KCNMA1: variants seen among roughly 807,000 people sequenced by gnomAD.
KCNMA1 encodes potassium calcium-activated channel subfamily M alpha 1.
Under a neutral mutation model 140.0 loss-of-function variants are expected in KCNMA1, and 29 were observed. The observed-to-expected ratio is 0.21, with a 90% confidence interval of 0.15 to 0.28. The LOEUF (loss-of-function observed/expected upper bound fraction) is 0.28. Ranked by LOEUF, KCNMA1 falls within the 10% of genes least tolerant of loss-of-function variation. The pLI is 1.00. For synonymous variants in KCNMA1, 612 were observed against 611.9 expected (o/e 1.00, Z 0.00); for missense variants, 880 against 1,602.2 (o/e 0.55, Z 7.70).
At chr10:77,056,150 C>T (rs78128375) in intron 14 of KCNMA1, among the ~76,000 whole-genome samples, 1 of 152,128 alleles carries the variant, frequency 6.6e-6, no homozygotes, top group African/African-American at 2.4e-5. Flanking sequence ...GAAGCCAAGG[C>T]GAGTGGATCA....
chr10:77,567,429 G>A (rs1170455803), intron 1 of KCNMA1, among the ~76,000 whole-genome samples: 1 of 152,204 alleles, frequency 6.6e-6, no homozygotes, highest in Non-Finnish European at 1.5e-5. Flanking sequence ...AGATAAGCGT[G>A]TGTAACTCTT....
chr10:77,007,649 GTGTGTA>G (rs1235567546), intron 18 of KCNMA1, among the ~76,000 whole-genome samples: 1 of 11,008 alleles, frequency 9.1e-5, no homozygotes, highest in East Asian at 7.3e-4. Flanking sequence ...CATATTGTGT[GTGTGTA>G]TATATATATA....
At chr10:77,185,216 C>A (rs942285197) in intron 3 of KCNMA1, among the ~76,000 whole-genome samples, 1 of 151,874 alleles carries the variant, frequency 6.6e-6, no homozygotes, top group East Asian at 1.9e-4. Context: ...TGCAGATACC[C>A]TGGAGGAAGG....
chr10:77,239,272 C>T (rs2056563299), intron 3 of KCNMA1, among the ~76,000 whole-genome samples: 1 of 152,208 alleles, frequency 6.6e-6, no homozygotes, highest in African/African-American at 2.4e-5. Context: ...ATAGCATCCA[C>T]GTTATTTTCA....
At chr10:77,439,683 C>T (rs1016724814) in intron 1 of KCNMA1, among the ~76,000 whole-genome samples, 12 of 152,162 alleles carry the variant, frequency 7.9e-5, no homozygotes, top group Admixed American at 1.3e-4. Context: ...AAAAGGGCAG[C>T]GGTACCTATC....
At chr10:76,941,022 A>G (rs145563606) in intron 23 of KCNMA1, among the ~76,000 whole-genome samples, 793 of 45,160 alleles carry the variant, frequency 0.018, 14 homozygotes, top group African/African-American at 0.024. Flanking sequence ...AGGAAGGAAG[A>G]AAGAAAGAAA....
intron 5 of KCNMA1, among the ~76,000 whole-genome samples, chr10:77,181,877 C>G (rs2098805492): frequency 6.6e-6 from 1 of 152,034 alleles, no homozygotes; most frequent in African/African-American, 2.4e-5. Context: ...AATGAGAAAA[C>G]TGTAGCAAAA....
intron 1 of KCNMA1, among the ~76,000 whole-genome samples, chr10:77,620,496 C>T (rs557826873): frequency 6.6e-6 from 1 of 152,338 alleles, no homozygotes; most frequent in Non-Finnish European, 1.5e-5. Flanking sequence ...CATGAGCTGG[C>T]ACTGAGCATT....
At chr10:76,907,338 A>G (rs542744839) in intron 25 of KCNMA1, among the ~76,000 whole-genome samples, 1 of 152,186 alleles carries the variant, frequency 6.6e-6, no homozygotes, top group Non-Finnish European at 1.5e-5. Context: ...CCTACTGATG[A>G]TATAGATGCT....
intron 1 of KCNMA1, among the ~76,000 whole-genome samples, chr10:77,491,506 T>G (rs142929878): frequency 3.1e-4 from 47 of 152,248 alleles, no homozygotes; most frequent in African/African-American, 9.9e-4. Context: ...CCCTCCAAGA[T>G]TCTTCAAAAT....
chr10:77,240,717 G>T (rs2057053314), intron 3 of KCNMA1, among the ~76,000 whole-genome samples: 1 of 152,196 alleles, frequency 6.6e-6, no homozygotes, highest in African/African-American at 2.4e-5. Flanking sequence ...CTGCATTTCT[G>T]CATAGGAACA....
At chr10:77,090,767 T>C (rs1411419102) in intron 9 of KCNMA1, 14 of 557,564 alleles carry the variant, frequency 2.5e-5, no homozygotes, top group Non-Finnish European at 4.5e-5. Context: ...AAAGCCCAAC[T>C]GTTTGGCCAA....
intron 29 of KCNMA1, among the ~76,000 whole-genome samples, chr10:76,878,726 C>T (rs1316911518): frequency 6.6e-6 from 1 of 152,074 alleles, no homozygotes; most frequent in Non-Finnish European, 1.5e-5. Flanking sequence ...TGAGTCAGGG[C>T]GTTTGGGGGC....
chr10:77,364,830 A>G, intron 2 of KCNMA1, among the ~76,000 whole-genome samples: 1 of 152,174 alleles, frequency 6.6e-6, no homozygotes, highest in South Asian at 2.1e-4. Flanking sequence ...AGGCAATGAG[A>G]TGAAATTGGC....
intron 25 of KCNMA1, among the ~76,000 whole-genome samples, chr10:76,907,821 G>A (rs1264518412): frequency 2.0e-5 from 3 of 152,130 alleles, no homozygotes; most frequent in Non-Finnish European, 4.4e-5. Context: ...GTTACAAGCG[G>A]TAGCCACCGC....
At chr10:77,279,817 G>A (rs1178557523) in intron 2 of KCNMA1, among the ~76,000 whole-genome samples, 2 of 152,106 alleles carry the variant, frequency 1.3e-5, no homozygotes, top group African/African-American at 4.8e-5. Flanking sequence ...TTATAAGGAG[G>A]GGTTTCCCTG....
chr10:77,509,393 T>C (rs816836), intron 1 of KCNMA1, among the ~76,000 whole-genome samples: 93,781 of 152,060 alleles, frequency 0.62, 30,095 homozygotes, highest in East Asian at 0.79. Flanking sequence ...TCTCGGATTA[T>C]AGGCGTGAGC....
intron 5 of KCNMA1, among the ~76,000 whole-genome samples, chr10:77,178,123 G>T (rs1468919656): frequency 1.3e-5 from 2 of 152,118 alleles, no homozygotes; most frequent in Non-Finnish European, 2.9e-5. Flanking sequence ...AAGGTTTAAG[G>T]TCTAAGGCCA....
At chr10:76,978,267 C>T (rs1204775760) in intron 19 of KCNMA1, among the ~76,000 whole-genome samples, 3 of 152,086 alleles carry the variant, frequency 2.0e-5, no homozygotes, top group Non-Finnish European at 4.4e-5. Flanking sequence ...AAAATGTGCC[C>T]CATCAGTTTG....
Sources: allele counts gnomAD v4.1 joint callset (sites outside exome capture counted in the v4.1 genomes callset), GRCh38; gene constraint gnomAD v4.1.1; transcripts MANE v1.5; gene names NCBI Gene and HGNC (gene_info 2026-07-23, HGNC 2026-07-21).